The following LRRC74B variants were observed in gnomAD, a reference collection of about 807,000 sequenced individuals.
LRRC74B encodes leucine-rich repeat-containing protein 74B.
LRRC74B carries 30 observed loss-of-function variants against 16.6 expected under a neutral mutation model. The ratio of observed to expected loss-of-function variants is 1.80; its 90% CI spans 1.35 to 2.45. The LOEUF is 2.45. Ranked by LOEUF, LRRC74B falls within the 30% of genes most tolerant of loss-of-function variation. LRRC74B has a pLI of 0.00. For synonymous variants in LRRC74B, 134 were observed against 86.0 expected (o/e 1.56, Z -3.09); for missense variants, 326 against 202.4 (o/e 1.61, Z -3.71).
chr22:21,054,394 C>T (rs1052877124), intron 6 of LRRC74B, among the ~76,000 whole-genome samples: 3 of 152,244 alleles, frequency 2.0e-5, no homozygotes, highest in Non-Finnish European at 4.4e-5. Context: ...GTGTGAGGGG[C>T]TCCTCCAGGC....
downstream of LRRC74B, chr22:21,062,188 T>A (rs556609738): frequency 3.3e-5 from 5 of 152,278 alleles, no homozygotes; most frequent in Admixed American, 2.0e-4. Context: ...GATTATACAT[T>A]GCCTAGGTGC....
At chr22:21,055,533 C>T (rs1930452985) in intron 7 of LRRC74B, among the ~76,000 whole-genome samples, 1 of 152,188 alleles carries the variant, frequency 6.6e-6, no homozygotes, top group Admixed American at 6.5e-5. Flanking sequence ...TCAGGCCCAC[C>T]TGAGGCCTGG....
intron 6 of LRRC74B, 39 bp from the exon 7 acceptor site, chr22:21,055,059 A>G (rs1414819696): frequency 1.4e-6 from 1 of 714,168 alleles, no homozygotes; most frequent in Non-Finnish European, 2.6e-6. Context: ...CGCTGCTTGG[A>G]AGGTTGCACA....
exon 8 of LRRC74B, chr22:21,057,121 T>A (rs558930019): frequency 8.5e-5 from 61 of 717,364 alleles, no homozygotes; most frequent in Non-Finnish European, 1.5e-4. Flanking sequence ...AGGAATCCCA[T>A]GCGAAGTGAA....
chr22:21,058,320 G>A (rs114094103), intron 8 of LRRC74B, among the ~76,000 whole-genome samples: 2,834 of 151,962 alleles, frequency 0.019, 88 homozygotes, highest in African/African-American at 0.065. Context: ...GACCATCCTG[G>A]GCAACACAGA....
At chr22:21,053,552 A>T in intron 6 of LRRC74B, 77 bp downstream of exon 6, 2 of 669,828 alleles carry the variant, frequency 3.0e-6, no homozygotes. Flanking sequence ...TCTACCCGTG[A>T]TGGGGATTCC....
chr22:21,064,101 C>T (rs565002147), downstream of LRRC74B: 1 of 152,682 alleles, frequency 6.5e-6, no homozygotes, highest in Admixed American at 6.5e-5. Flanking sequence ...GCATTTTGTT[C>T]CTGACTAGCT....
intron 7 of LRRC74B, among the ~76,000 whole-genome samples, chr22:21,055,968 A>T (rs1219933045): frequency 6.6e-6 from 1 of 151,740 alleles, no homozygotes; most frequent in African/African-American, 2.4e-5. Flanking sequence ...TTCCCAAGTC[A>T]CCAGCTGGGG....
At chr22:21,063,102 A>G (rs1288660995), downstream of LRRC74B, 3 of 151,984 alleles carry the variant, frequency 2.0e-5, no homozygotes, top group African/African-American at 7.3e-5. Flanking sequence ...GGCCCAGCCT[A>G]CAAGGGACGC....
At chr22:21,047,826 C>T (rs760199433) in intron 2 of LRRC74B, 58 bp from the exon 3 acceptor site, 3 of 707,474 alleles carry the variant, frequency 4.2e-6, no homozygotes, top group Admixed American at 4.0e-5. Context: ...GTGGAGTGGG[C>T]TGAGCCCTGG....
At chr22:21,060,325 G>A in intron 8 of LRRC74B, 48 bp from the exon 9 acceptor site, 1 of 639,948 alleles carries the variant, frequency 1.6e-6, no homozygotes, top group Non-Finnish European at 2.9e-6. Flanking sequence ...AAATGGTGAA[G>A]TTCTCAGATA....
intron 4 of LRRC74B, among the ~76,000 whole-genome samples, chr22:21,049,789 T>C (rs1929838183): frequency 6.6e-6 from 1 of 151,958 alleles, no homozygotes; most frequent in African/African-American, 2.4e-5. Flanking sequence ...TTGTTTCAAG[T>C]GAGGTAGCGG....
At position 21,053,717 on chromosome 22, in the gene LRRC74B, C is replaced by G. The variant is rs117041216; in HGVS notation, c.848+242C>G. Reference sequence around the variant, plus strand: ...TGGCCCACTGCAGCCTTGGCCTTCCCAGCTCAAGCAATCCCACCACCTCAG... The same window carrying G: ...TGGCCCACTGCAGCCTTGGCCTTCCGAGCTCAAGCAATCCCACCACCTCAG... On this transcript the variant is annotated intron_variant, in intron 6 of 8. Coordinates refer to ENST00000442047, the Ensembl canonical transcript of LRRC74B. 4.1e-5 allele frequency: 13 copies of G among 315,512 alleles called. No individual in the cohort carries two copies. The East Asian group carries it at 7.0e-4, about 17-fold the overall frequency. The allele number at this position is 315,512 out of a possible 1,614,324, so 19.5% of individuals were successfully genotyped here. A position where few individuals can be genotyped will look rare whatever the true frequency, so the allele number is the denominator to read the frequency against.
chr22:21,053,488 G>A lies in LRRC74B; in HGVS notation c.848+13G>A, dbSNP rs1486844174. On this transcript the variant is annotated intron_variant, in intron 6 of 8. Transcript: ENST00000442047. ...AACTCAACATGAGGTGAGGATCCCCGGGGGGACACCCCAGGAATCATGGGC... is the reference window on the plus strand; with the variant it reads ...AACTCAACATGAGGTGAGGATCCCCAGGGGGACACCCCAGGAATCATGGGC... The A allele has an allele frequency of 1.4e-5, 10 of 714,630 alleles. No individual in the cohort carries two copies. The highest frequency in any genetic ancestry group is 2.0e-5 in the Admixed American group (1 of 49,858). 44.3% of individuals were successfully genotyped at this position (714,630 alleles called of 1,614,324 possible).
At chr22:21,050,838 C>G (rs1929972110) in intron 4 of LRRC74B, among the ~76,000 whole-genome samples, 1 of 150,256 alleles carries the variant, frequency 6.7e-6, no homozygotes, top group Admixed American at 6.6e-5. Flanking sequence ...ATCTGTAATG[C>G]CAACACCACT....
At chr22:21,060,185 G>A (rs1436209694) in intron 8 of LRRC74B, among the ~76,000 whole-genome samples, 188 bp from the exon 9 acceptor site, 1 of 152,016 alleles carries the variant, frequency 6.6e-6, no homozygotes, top group East Asian at 1.9e-4. Flanking sequence ...AATAAATACA[G>A]CAGGCCTCTA....
intron 6 of LRRC74B, among the ~76,000 whole-genome samples, chr22:21,054,413 G>A (rs1039549095): frequency 1.4e-4 from 21 of 152,352 alleles, no homozygotes; most frequent in Admixed American, 8.5e-4. Context: ...GCCAGGCAGC[G>A]TCCCAGCCTA....
At chr22:21,046,945 T>A (rs1179382084) in intron 1 of LRRC74B, among the ~76,000 whole-genome samples, 3 of 151,688 alleles carry the variant, frequency 2.0e-5, no homozygotes, top group Admixed American at 6.6e-5. Context: ...TACAAAAAAC[T>A]AGCCCAGTGT....
At chr22:21,052,125 C>T (rs1404840145) in intron 4 of LRRC74B, 124 bp from the exon 5 acceptor site, 7 of 663,498 alleles carry the variant, frequency 1.1e-5, no homozygotes, top group South Asian at 8.4e-5. Context: ...CACCGCAGGC[C>T]CACATTAGTT....
Sources: gnomAD v4.1 joint callset for allele counts (sites outside exome capture counted in the v4.1 genomes callset) on GRCh38, gnomAD v4.1.1 for gene constraint, MANE v1.5 for transcripts, NCBI Gene and HGNC (gene_info 2026-07-23, HGNC 2026-07-21) for gene names.